Variants in WDR49 observed in about 807,000 individuals in gnomAD.
WDR49 encodes WD repeat domain 49, also known as cilia- and flagella-associated protein 337.
Under a neutral mutation model 119.5 loss-of-function variants are expected in WDR49, and 107 were observed. The observed-to-expected ratio is 0.90, with a 90% CI of 0.77 to 1.05. The LOEUF is 1.05. Ranked by LOEUF, WDR49 falls within the 50% of genes least tolerant of loss-of-function variation. WDR49 has a pLI of 0.00. For synonymous variants in WDR49, 425 were observed against 418.8 expected (o/e 1.01, Z -0.18); for missense variants, 1,240 against 1,220.5 (o/e 1.02, Z -0.24).
At chr3:167,651,745 G>C (rs1718393364) in intron 2 of WDR49, among the ~76,000 whole-genome samples, 1 of 151,990 alleles carries the variant, frequency 6.6e-6, no homozygotes, top group South Asian at 2.1e-4. Context: ...AAGTGGTCTG[G>C]CCTTTGAAAT....
intron 12 of WDR49, among the ~76,000 whole-genome samples, chr3:167,531,549 A>G (rs1752854136): frequency 1.3e-5 from 2 of 152,172 alleles, no homozygotes; most frequent in South Asian, 2.1e-4. Flanking sequence ...ATTGGCATCA[A>G]TGCTAACATC....
chr3:167,610,400 G>A (rs1290821970), intron 5 of WDR49, among the ~76,000 whole-genome samples: 1 of 152,222 alleles, frequency 6.6e-6, no homozygotes, highest in African/African-American at 2.4e-5. Context: ...CAGTAGTCAG[G>A]AAGTACTCTT....
At chr3:167,570,775 C>T (rs1289688007) in intron 8 of WDR49, among the ~76,000 whole-genome samples, 3 of 152,150 alleles carry the variant, frequency 2.0e-5, no homozygotes, top group African/African-American at 7.2e-5. Context: ...CAGTGGCTCA[C>T]GCCTGCAATC....
In WDR49 at chr3:167,621,524, C is replaced by A. The variant is rs78839458; in HGVS notation, c.726G>T (p.Trp242Cys). The A allele has an allele frequency of 0.01, 15,511 of 1,535,434 alleles. 1,216 individuals are homozygous for A. In the African/African-American group the frequency reaches 0.18, roughly 18 times the overall value. ...LKGTPICMDY[W>C]YDPLDANESI... is the part of the protein sequence containing the mutation. The stretch of plus-strand genomic sequence containing the variant: ...ATTCATTGGCATCAAGAGGATCATA[C>A]CAATAATCCATGCAAATTGGTGTTC... Residue 242 changes from tryptophan (W) to cysteine (C), a missense_variant, in exon 4 of 19, where the codon TGG becomes TGT. Coordinates refer to ENST00000682715, the MANE Select transcript of WDR49 (RefSeq NM_001366157.1).
At chr3:167,502,742 C>G (rs1249326089) in intron 17 of WDR49, among the ~76,000 whole-genome samples, 1 of 152,148 alleles carries the variant, frequency 6.6e-6, no homozygotes, top group Non-Finnish European at 1.5e-5. Flanking sequence ...CACAGCAGAG[C>G]ACTCAAGATG....
chr3:167,612,645 C>T (rs1325334171), intron 5 of WDR49, among the ~76,000 whole-genome samples: 4 of 152,000 alleles, frequency 2.6e-5, no homozygotes, highest in Non-Finnish European at 5.9e-5. Context: ...ACTACTGATA[C>T]TGCAGAAATT....
chr3:167,548,939 A>C (rs977529996), intron 10 of WDR49, among the ~76,000 whole-genome samples: 1 of 151,940 alleles, frequency 6.6e-6, no homozygotes, highest in Admixed American at 6.6e-5. Context: ...GAGAACATGC[A>C]GTGTTTGGTT....
chr3:167,635,351 C>A (rs1409474232), intron 2 of WDR49, among the ~76,000 whole-genome samples: 1 of 151,450 alleles, frequency 6.6e-6, no homozygotes, highest in East Asian at 1.9e-4. Context: ...GGGTATTATT[C>A]TTCTTAAGAC....
intron 8 of WDR49, among the ~76,000 whole-genome samples, chr3:167,568,559 G>T (rs1713746290): frequency 6.6e-6 from 1 of 152,094 alleles, no homozygotes; most frequent in African/African-American, 2.4e-5. Flanking sequence ...TGGTCCTAAT[G>T]CTGGATTCAT....
intron 7 of WDR49, 29 bp downstream of exon 7, chr3:167,602,098 A>C: frequency 6.5e-7 from 1 of 1,547,480 alleles, no homozygotes. Context: ...AAGCAAAACT[A>C]AATTAATTAA....
At chr3:167,528,162 AG>A in intron 14 of WDR49, 145 bp from the exon 15 acceptor site, 1 of 616,166 alleles carries the variant, frequency 1.6e-6, no homozygotes, top group Non-Finnish European at 2.6e-6. Flanking sequence ...ATGATAAAAG[AG>A]GCTAGAAAAC....
chr3:167,607,252 A>G (rs922987975), intron 5 of WDR49, among the ~76,000 whole-genome samples: 1 of 152,098 alleles, frequency 6.6e-6, no homozygotes, highest in Non-Finnish European at 1.5e-5. Flanking sequence ...AGCTTCTATG[A>G]CCTGGCTCAG....
At chr3:167,630,965 A>G (rs1437318453) in intron 2 of WDR49, among the ~76,000 whole-genome samples, 1 of 152,102 alleles carries the variant, frequency 6.6e-6, no homozygotes, top group Non-Finnish European at 1.5e-5. Context: ...AACGCTAGCC[A>G]GCACTCCACC....
intron 11 of WDR49, among the ~76,000 whole-genome samples, chr3:167,533,604 A>G (rs867280642): frequency 2.0e-5 from 3 of 151,928 alleles, no homozygotes; most frequent in African/African-American, 4.8e-5. Context: ...AATACTGAAT[A>G]TTGTCTTTAT....
upstream of WDR49, among the ~76,000 whole-genome samples, chr3:167,654,905 G>GA (rs1331214594): frequency 6.6e-3 from 774 of 116,650 alleles, 2 homozygotes; most frequent in South Asian, 0.017. Context: ...TCTCAAAAAA[G>GA]AAAAAAAAAA....
chr3:167,601,271 T>C (rs569034022), intron 7 of WDR49, among the ~76,000 whole-genome samples: 1 of 152,322 alleles, frequency 6.6e-6, no homozygotes, highest in East Asian at 1.9e-4. Flanking sequence ...GTAGAATTTA[T>C]GGTGGTTAAT....
At chr3:167,521,854 A>C (rs1752449117) in intron 16 of WDR49, among the ~76,000 whole-genome samples, 1 of 152,116 alleles carries the variant, frequency 6.6e-6, no homozygotes, top group Non-Finnish European at 1.5e-5. Context: ...GAGAGACGAG[A>C]AGCCTTAAGG....
chr3:167,615,834 C>T (rs1172787375), intron 5 of WDR49, among the ~76,000 whole-genome samples: 1 of 152,296 alleles, frequency 6.6e-6, no homozygotes, highest in East Asian at 1.9e-4. Context: ...CAACAAGACA[C>T]TCACTCCAGC....
intron 10 of WDR49, 129 bp downstream of exon 10, chr3:167,554,521 C>T: frequency 2.0e-6 from 1 of 504,340 alleles, no homozygotes; most frequent in Non-Finnish European, 3.5e-6. Flanking sequence ...ACTAAGCATT[C>T]AGTCAATTCC....
Sources: allele counts gnomAD v4.1 joint callset (sites outside exome capture counted in the v4.1 genomes callset), GRCh38; gene constraint gnomAD v4.1.1; transcripts MANE v1.5; gene names NCBI Gene and HGNC (gene_info 2026-07-23, HGNC 2026-07-21).